Variants in PCSK5 observed in about 807,000 individuals in gnomAD.
PCSK5 encodes proprotein convertase subtilisin/kexin type 5, also known as prohormone convertase 5.
Under a neutral mutation model 233.2 loss-of-function variants are expected in PCSK5, and 129 were observed. The ratio of observed to expected loss-of-function variants is 0.55; its 90% confidence interval spans 0.48 to 0.64. The LOEUF is 0.64. PCSK5 is among the 30% of genes least tolerant of loss of function. The pLI, the probability that PCSK5 is intolerant of heterozygous loss-of-function variation, is 0.00. For missense variants in PCSK5, 2,076 were observed against 2,430.1 expected (o/e 0.85, Z 3.06); for synonymous variants, 825 against 879.2 (o/e 0.94, Z 1.09).
At position 75,950,217 on chromosome 9, in the gene PCSK5, G is replaced by GT. The variant is rs549663422; in HGVS notation, c.297+17746dup. ...CACAACAAGGGCCTTTTATTTATTT[G>GT]TTTTTTTTTTTTGAAAGCAACTGAA... On this transcript the variant is annotated intron_variant, in intron 2 of 37. Coordinates refer to ENST00000674117, the MANE Select transcript of PCSK5 (RefSeq NM_001372043.1). Among the ~76,000 whole-genome samples, 1,100 of 137,502 alleles carry GT rather than the reference G, an allele frequency of 8.0e-3. 11 individuals carry two copies. The highest frequency in any genetic ancestry group is 0.025 in the South Asian group (105 of 4,212). The allele number at this position is 137,502 out of a possible 152,430, so 90.2% of individuals were successfully genotyped here. A position where few individuals can be genotyped will look rare whatever the true frequency, so the allele number is the denominator to read the frequency against.
chr9:75,911,366 G>T lies in PCSK5; in HGVS notation c.192+19993G>T, dbSNP rs554259758. ...CTCTCACCTGTGGAAGTCATGGCTG[G>T]CATTTATTCATTTCTTTCACTTGTG... On this transcript the variant is annotated intron_variant, in intron 1 of 37. Transcript: ENST00000674117. Among the ~76,000 whole-genome samples the T allele has an allele frequency of 2.6e-5, 4 of 151,986 alleles. No individual in the cohort carries two copies. In the South Asian group the frequency reaches 8.3e-4, roughly 32 times the overall value.
chr9:76,346,657 G>A (rs760691925), intron 35 of PCSK5, among the ~76,000 whole-genome samples: 62 of 152,050 alleles, frequency 4.1e-4, no homozygotes, highest in Admixed American at 9.8e-4. Context: ...TCCCTTGCTG[G>A]TTAGGAAAAT....
chr9:76,335,888 A>G (rs192303334), intron 34 of PCSK5, among the ~76,000 whole-genome samples: 1 of 152,320 alleles, frequency 6.6e-6, no homozygotes, highest in African/African-American at 2.4e-5. Flanking sequence ...CATTTTACAG[A>G]TGAAGAAACT....
chr9:75,931,346 G>A (rs1021828969), intron 1 of PCSK5, among the ~76,000 whole-genome samples: 5 of 151,084 alleles, frequency 3.3e-5, no homozygotes, highest in African/African-American at 9.8e-5. Context: ...GGGCAGAGCC[G>A]TGGATGTCCT....
At chr9:76,289,742 T>G (rs1219357782) in intron 24 of PCSK5, among the ~76,000 whole-genome samples, 1 of 152,130 alleles carries the variant, frequency 6.6e-6, no homozygotes, top group Non-Finnish European at 1.5e-5. Flanking sequence ...TGGAAACAAT[T>G]TTTTAAATAA....
chr9:76,352,831 A>G (rs1439548437), intron 36 of PCSK5, among the ~76,000 whole-genome samples: 1 of 151,788 alleles, frequency 6.6e-6, no homozygotes, highest in Non-Finnish European at 1.5e-5. Flanking sequence ...AGGTTAAACA[A>G]TTTGTTAAAG....
intron 35 of PCSK5, among the ~76,000 whole-genome samples, chr9:76,345,125 C>T (rs1829940999): frequency 6.6e-6 from 1 of 152,164 alleles, no homozygotes; most frequent in African/African-American, 2.4e-5. Flanking sequence ...CCTTGCCCCA[C>T]TCCTTCTCTC....
At chr9:76,206,326 T>C (rs1825113988) in intron 20 of PCSK5, among the ~76,000 whole-genome samples, 1 of 152,210 alleles carries the variant, frequency 6.6e-6, no homozygotes, top group Non-Finnish European at 1.5e-5. Context: ...AAGTATTAAA[T>C]CTCTCAAATT....
intron 12 of PCSK5, among the ~76,000 whole-genome samples, chr9:76,167,381 T>G (rs1823129105): frequency 6.6e-6 from 1 of 152,234 alleles, no homozygotes; most frequent in Admixed American, 6.5e-5. Flanking sequence ...AGAGTTCTAC[T>G]CATCTGTGTT....
At chr9:76,069,688 G>A (rs1317974920) in intron 6 of PCSK5, among the ~76,000 whole-genome samples, 1 of 152,020 alleles carries the variant, frequency 6.6e-6, no homozygotes, top group Non-Finnish European at 1.5e-5. Flanking sequence ...TTTCATGCAT[G>A]ACATAGAAAC....
At chr9:76,021,523 G>A (rs1238677593) in intron 3 of PCSK5, among the ~76,000 whole-genome samples, 3 of 152,126 alleles carry the variant, frequency 2.0e-5, no homozygotes, top group African/African-American at 7.2e-5. Context: ...GAGAGTGTGT[G>A]TTCAGGGCCT....
intron 5 of PCSK5, among the ~76,000 whole-genome samples, chr9:76,030,688 A>G (rs915731876): frequency 7.9e-5 from 12 of 152,316 alleles, no homozygotes; most frequent in Non-Finnish European, 1.2e-4. Flanking sequence ...TGTAGTCTGT[A>G]TTATAATACA....
At chr9:76,189,942 C>T (rs1255325380) in intron 20 of PCSK5, among the ~76,000 whole-genome samples, 196 bp downstream of exon 20, 1 of 152,170 alleles carries the variant, frequency 6.6e-6, no homozygotes, top group African/African-American at 2.4e-5. Context: ...AATAAATCAG[C>T]TACAGTGGCA....
intron 1 of PCSK5, among the ~76,000 whole-genome samples, chr9:75,923,085 C>G (rs1187706647): frequency 6.6e-6 from 1 of 152,054 alleles, no homozygotes; most frequent in Non-Finnish European, 1.5e-5. Context: ...TCTACAAAAC[C>G]CTTTGAGTAA....
intron 20 of PCSK5, among the ~76,000 whole-genome samples, chr9:76,192,613 T>TAATTCTTCTTC (rs1824454164): frequency 1.2e-5 from 1 of 84,052 alleles, no homozygotes. Flanking sequence ...GTGTTGAATT[T>TAATTCTTCTTC]AATTCTTCTT....
chr9:76,294,058 G>A (rs566070267), intron 25 of PCSK5, among the ~76,000 whole-genome samples: 11 of 152,270 alleles, frequency 7.2e-5, no homozygotes, highest in African/African-American at 2.4e-4. Flanking sequence ...TTAGCCGAGT[G>A]TGGTGGCATG....
chr9:76,254,606 G>A (rs1179031278), intron 24 of PCSK5, among the ~76,000 whole-genome samples: 2 of 152,188 alleles, frequency 1.3e-5, no homozygotes, highest in Non-Finnish European at 2.9e-5. Context: ...CAGCTAAAAG[G>A]AACTTGACCC....
At position 76,088,201 on chromosome 9, in the gene PCSK5, A is replaced by C. The variant is rs1011161611; in HGVS notation, c.895-7689A>C. 4.6e-5 allele frequency among the ~76,000 whole-genome samples: 7 copies of C among 152,286 alleles called. No homozygotes were observed. In the South Asian group the frequency reaches 6.2e-4, roughly 14 times the overall value. On this transcript the variant is annotated intron_variant, in intron 7 of 37. Coordinates refer to ENST00000674117, the MANE Select transcript of PCSK5 (RefSeq NM_001372043.1). ...GATTGAGACCAGTAGCAGGGCCAGG[A>C]ACTGGGCTGCTGGAAGTGCTGGACA... is the stretch of plus-strand genomic sequence containing the variant.
intron 2 of PCSK5, among the ~76,000 whole-genome samples, chr9:75,974,779 A>G (rs1240445324): frequency 6.6e-6 from 1 of 152,204 alleles, no homozygotes; most frequent in East Asian, 1.9e-4. Context: ...CTCACCAACA[A>G]CTTCATGCTA....
Sources: gnomAD v4.1 joint callset for allele counts (sites outside exome capture counted in the v4.1 genomes callset) on GRCh38, gnomAD v4.1.1 for gene constraint, MANE v1.5 for transcripts, NCBI Gene and HGNC (gene_info 2026-07-23, HGNC 2026-07-21) for gene names.